Variants in LMO2 observed in about 807,000 individuals in gnomAD.
LMO2 encodes rhombotin-2.
A neutral mutation model predicts 23.2 loss-of-function variants in LMO2; 20 were observed. The ratio of observed to expected loss-of-function variants is 0.86; its 90% CI spans 0.61 to 1.25. LMO2 has a LOEUF of 1.25. Ranked by LOEUF, LMO2 falls within the 50% of genes most tolerant of loss-of-function variation. The probability of loss-of-function intolerance (pLI) is 0.00; values close to 1 mark genes in which losing one functional copy is unlikely to be tolerated. For synonymous variants in LMO2, 123 were observed against 130.2 expected, an observed-to-expected ratio of 0.94 and a Z score of 0.38; for missense variants, 270 against 315.3, an observed-to-expected ratio of 0.86 and a Z score of 1.09.
At chr11:33,868,172 G>A (rs1856854794) in intron 4 of LMO2, among the ~76,000 whole-genome samples, 1 of 152,180 alleles carries the variant, frequency 6.6e-6, no homozygotes. Context: ...TGTGTTTTAT[G>A]AGAATATGTT....
At chr11:33,865,747 A>G (rs1014406333) in intron 4 of LMO2, among the ~76,000 whole-genome samples, 2 of 152,250 alleles carry the variant, frequency 1.3e-5, no homozygotes, top group Non-Finnish European at 2.9e-5. Flanking sequence ...TTAATACGCC[A>G]TGCATAGCAT....
In LMO2 at chr11:33,869,797, C is replaced by T. The variant is rs1032457175; in HGVS notation, c.-81G>A. On this transcript the variant is annotated 5_prime_UTR_variant, in exon 3 of 6. Transcript: ENST00000257818. ...CGCCGCCCGCGGGGATGGTGTGCGC[C>T]CGCCCGGCCGCCCGGAGCCCCTCGC... 7.0e-5 allele frequency: 78 copies of T among 1,118,282 alleles called. No individual in the cohort carries two copies. The highest frequency in any genetic ancestry group is 7.9e-5 in the Non-Finnish European group (72 of 917,064). 69.3% of individuals were successfully genotyped at this position (1,118,282 alleles called of 1,614,324 possible).
At chr11:33,878,025 T>C (rs1337106254) in intron 2 of LMO2, among the ~76,000 whole-genome samples, 1 of 152,222 alleles carries the variant, frequency 6.6e-6, no homozygotes, top group Non-Finnish European at 1.5e-5. Context: ...AATAGTTCCC[T>C]ATCGTCCATG....
rs1376486789 is a variant in LMO2 at position 33,869,735 on chromosome 11, A to G, written c.-19T>C. The stretch of plus-strand genomic sequence containing the variant: ...CTTCCATCCCGGTCCCGCCGCCGCC[A>G]CCGCCCGGTCCCTCTCGCGCGCTGT... On this transcript the variant is annotated 5_prime_UTR_variant, in exon 3 of 6. Transcript: ENST00000257818. 1.6e-6 allele frequency: 2 copies of G among 1,276,982 alleles called. No homozygotes were observed. The highest frequency in any genetic ancestry group is 2.0e-6 in the Non-Finnish European group (2 of 994,906). The allele number at this position is 1,276,982 out of a possible 1,614,324, so 79.1% of individuals were successfully genotyped here.
intron 1 of LMO2, among the ~76,000 whole-genome samples, chr11:33,889,572 T>G (rs929382116): frequency 3.3e-5 from 5 of 152,194 alleles, no homozygotes; most frequent in Admixed American, 1.3e-4. Context: ...AAACAAGTAC[T>G]TGCCATGTGC....
intron 1 of LMO2, among the ~76,000 whole-genome samples, chr11:33,890,709 T>C (rs1003893304): frequency 6.6e-6 from 1 of 152,188 alleles, no homozygotes; most frequent in Non-Finnish European, 1.5e-5. Flanking sequence ...TTATTATTAT[T>C]ATTACTCTTA....
At chr11:33,884,646 C>G (rs1272406785) in intron 1 of LMO2, among the ~76,000 whole-genome samples, 1 of 152,180 alleles carries the variant, frequency 6.6e-6, no homozygotes, top group African/African-American at 2.4e-5. Context: ...ACAAGGTCAC[C>G]CCAGGCTACA....
At chr11:33,881,445 G>T in intron 2 of LMO2, 1 of 455,008 alleles carries the variant, frequency 2.2e-6, no homozygotes, top group Non-Finnish European at 4.4e-6. Flanking sequence ...TTCCATCCTC[G>T]CCTTCACAAG....
intron 5 of LMO2, among the ~76,000 whole-genome samples, chr11:33,861,377 AT>A (rs1182125960): frequency 6.6e-6 from 1 of 152,156 alleles, no homozygotes; most frequent in African/African-American, 2.4e-5. Context: ...ATTTTGCAAT[AT>A]TTGGGCGAGA....
rs1466516949 is a variant in LMO2 at position 33,864,731 on chromosome 11, AG to A, written c.334del (p.Leu112Ter). On this transcript the variant is annotated frameshift_variant, in exon 5 of 6. Coordinates refer to ENST00000257818, the MANE Select transcript of LMO2 (RefSeq NM_005574.4). LOFTEE classifies it high-confidence loss of function. This position sits in a 1 kb window ranked among gnomAD's most constrained non-coding sequence, Gnocchi z 4.8. ...CQQNIGDRYF[L>X]KAIDQYWHED... ...GTGCCAGTACTGGTCGATGGCCTTC[AG>A]GAAGTAGCGGTCCCCAATGTTCTGC... 3.1e-6 allele frequency: 5 copies of A among 1,613,924 alleles called. No homozygotes were observed. Among genetic ancestry groups the A allele is most frequent in the Non-Finnish European group, 3.4e-6 (4 of 1,180,010 alleles).
rs537899541 is a variant in LMO2, at chr11:33,863,041, T to C, written c.464+1561A>G. On this transcript the variant is annotated intron_variant, in intron 5 of 5. Transcript: ENST00000257818. ...TGAATGTTATATAAAACGGTAGAGA[T>C]AGGGAGAAGCTGGGGCTCTTCTGAC... Among the ~76,000 whole-genome samples, 7 of 152,112 alleles carry C rather than the reference T, an allele frequency of 4.6e-5. No homozygotes were observed. In the South Asian group the frequency reaches 1.5e-3, roughly 32 times the overall value.
chr11:33,882,076 C>T (rs1410401744), intron 1 of LMO2, among the ~76,000 whole-genome samples, 189 bp from the exon 2 acceptor site: 2 of 152,094 alleles, frequency 1.3e-5, no homozygotes, highest in African/African-American at 4.8e-5. Flanking sequence ...GTGGGGCAGG[C>T]GGAACTTTGG....
At chr11:33,889,604 TATAAAACAATGA>T (rs1479797628) in intron 1 of LMO2, among the ~76,000 whole-genome samples, 1 of 152,192 alleles carries the variant, frequency 6.6e-6, no homozygotes. Context: ...AGGCTCTTGT[TATAAAACAATGA>T]AGAAAAGAGA....
intron 2 of LMO2, chr11:33,881,213 C>A (rs774882422): frequency 2.2e-6 from 1 of 457,190 alleles, no homozygotes; most frequent in South Asian, 1.5e-5. Flanking sequence ...CTGCTGACTC[C>A]TCTCACGCTT....
chr11:33,871,040 T>TACTTTCAGGA, intron 2 of LMO2: 3 of 983,044 alleles, frequency 3.1e-6, no homozygotes, highest in Non-Finnish European at 3.6e-6. Context: ...AGAGGGAACG[T>TACTTTCAGGA]ACTTTCAGGA....
At chr11:33,878,520 G>C (rs1446167632) in intron 2 of LMO2, among the ~76,000 whole-genome samples, 1 of 152,198 alleles carries the variant, frequency 6.6e-6, no homozygotes, top group African/African-American at 2.4e-5. Flanking sequence ...TGTAGGGTTA[G>C]GAGTAGTCAT....
chr11:33,868,691 T>G (rs1856876870), intron 4 of LMO2, among the ~76,000 whole-genome samples: 1 of 152,198 alleles, frequency 6.6e-6, no homozygotes. Context: ...ATACACAAAA[T>G]GGTGCATTAA....
rs965513671 is a variant in LMO2, at chr11:33,884,207, C to G, written c.-335-2320G>C. 2.6e-5 allele frequency among the ~76,000 whole-genome samples: 4 copies of G among 152,214 alleles called. No homozygotes were observed. The Middle Eastern group carries it at 0.01, about 388-fold the overall frequency. On this transcript the variant is annotated intron_variant, in intron 1 of 5. Transcript: ENST00000257818. ...CTGACTTCTGGGGAGGAGAAAGAGCCTGGTGCTGGGGACCTACGTAGATAT... is the reference window on the plus strand; with the variant it reads ...CTGACTTCTGGGGAGGAGAAAGAGCGTGGTGCTGGGGACCTACGTAGATAT...
intron 2 of LMO2, among the ~76,000 whole-genome samples, chr11:33,877,438 C>A (rs554502484): frequency 6.6e-6 from 1 of 151,496 alleles, no homozygotes; most frequent in African/African-American, 2.4e-5. Context: ...ATAGCACTTG[C>A]CCCTACAAGC....
Sources: allele counts gnomAD v4.1 joint callset (sites outside exome capture counted in the v4.1 genomes callset), GRCh38; gene constraint gnomAD v4.1.1; non-coding constraint Gnocchi (gnomAD v3.1); transcripts MANE v1.5; gene names NCBI Gene and HGNC (gene_info 2026-07-23, HGNC 2026-07-21).